Variants in SPOCK1 observed in about 807,000 individuals in gnomAD.
The protein encoded by SPOCK1 is testican-1.
SPOCK1 carries 23 observed loss-of-function variants against 55.3 expected under a neutral mutation model. That is an observed-to-expected ratio of 0.42 (90% CI 0.30 to 0.59). SPOCK1 has a LOEUF of 0.59. SPOCK1 is among the 20% of genes least tolerant of loss of function. The pLI, the probability that SPOCK1 is intolerant of heterozygous loss-of-function variation, is 0.22. For synonymous variants in SPOCK1, 226 were observed against 221.0 expected, an observed-to-expected ratio of 1.02 and a Z score of -0.20; for missense variants, 499 against 552.5, an observed-to-expected ratio of 0.90 and a Z score of 0.97.
intron 2 of SPOCK1, among the ~76,000 whole-genome samples, chr5:137,369,178 T>C (rs1044025323): frequency 6.6e-6 from 1 of 152,202 alleles, no homozygotes; most frequent in Non-Finnish European, 1.5e-5. Flanking sequence ...TGCTCCTTGA[T>C]GGGTGGGTGG....
intron 3 of SPOCK1, among the ~76,000 whole-genome samples, chr5:137,236,706 A>G (rs1011431165): frequency 6.6e-6 from 1 of 152,152 alleles, no homozygotes; most frequent in Non-Finnish European, 1.5e-5. Flanking sequence ...ATCAGCTCAT[A>G]CAAGTACACA....
chr5:137,338,508 A>G (rs1052987043), intron 2 of SPOCK1, among the ~76,000 whole-genome samples: 2 of 152,060 alleles, frequency 1.3e-5, no homozygotes, highest in Non-Finnish European at 2.9e-5. Context: ...TAGCAGCATG[A>G]TTTATAATCC....
At chr5:137,244,700 A>G (rs7713649) in intron 3 of SPOCK1, among the ~76,000 whole-genome samples, 10,276 of 152,270 alleles carry the variant, frequency 0.067, 1,058 homozygotes, top group African/African-American at 0.23. Context: ...CACACCCAGA[A>G]AAAAAGGAAC....
chr5:137,337,387 C>T (rs903326484), intron 2 of SPOCK1, among the ~76,000 whole-genome samples: 5 of 152,184 alleles, frequency 3.3e-5, no homozygotes, highest in Non-Finnish European at 5.9e-5. Context: ...ACTGGAGTTC[C>T]TTAAACACAT....
chr5:137,168,138 A>G (rs1754684778), intron 3 of SPOCK1, among the ~76,000 whole-genome samples: 1 of 152,106 alleles, frequency 6.6e-6, no homozygotes, highest in Non-Finnish European at 1.5e-5. Context: ...TCTTCAATAC[A>G]TGGCACTGAG....
intron 3 of SPOCK1, among the ~76,000 whole-genome samples, chr5:137,145,988 G>C (rs1754183847): frequency 6.6e-6 from 1 of 152,206 alleles, no homozygotes. Flanking sequence ...GGAGCCACAG[G>C]GACCATGCTG....
intron 2 of SPOCK1, among the ~76,000 whole-genome samples, chr5:137,291,842 C>T (rs1016887831): frequency 6.6e-6 from 1 of 152,226 alleles, no homozygotes; most frequent in Non-Finnish European, 1.5e-5. Context: ...GCTCACACTC[C>T]TTGCCACAGC....
At chr5:137,088,208 G>T (rs72792591) in intron 5 of SPOCK1, among the ~76,000 whole-genome samples, 2,420 of 152,294 alleles carry the variant, frequency 0.016, 28 homozygotes, top group Non-Finnish European at 0.023. Flanking sequence ...TCCAGGGAGA[G>T]GTTACAGCTT....
chr5:137,360,159 C>G (rs1163103489), intron 2 of SPOCK1, among the ~76,000 whole-genome samples: 1 of 152,230 alleles, frequency 6.6e-6, no homozygotes, highest in African/African-American at 2.4e-5. Flanking sequence ...GTTTGCCACA[C>G]CAGCCATCTC....
intron 3 of SPOCK1, among the ~76,000 whole-genome samples, chr5:137,246,820 T>C (rs886758781): frequency 4.0e-5 from 6 of 149,166 alleles, no homozygotes; most frequent in African/African-American, 1.4e-4. Context: ...CAAAACAAGC[T>C]GAAAATCACA....
chr5:136,992,203 T>C (rs1750961362), intron 7 of SPOCK1, among the ~76,000 whole-genome samples: 1 of 152,178 alleles, frequency 6.6e-6, no homozygotes, highest in South Asian at 2.1e-4. Flanking sequence ...ATCCAAACTT[T>C]GTAATTATAC....
chr5:136,984,939 G>A (rs112114619), intron 9 of SPOCK1, among the ~76,000 whole-genome samples: 220 of 152,290 alleles, frequency 1.4e-3, no homozygotes, highest in African/African-American at 5.0e-3. Flanking sequence ...TCTTCCTGCC[G>A]AAGGAACACA....
chr5:137,051,160 C>G (rs1425921746), intron 6 of SPOCK1, among the ~76,000 whole-genome samples: 3 of 152,158 alleles, frequency 2.0e-5, no homozygotes, highest in Non-Finnish European at 4.4e-5. Context: ...ATTTTTTGAA[C>G]TGGCTATTTA....
At chr5:137,074,345 A>T (rs1752684034) in intron 5 of SPOCK1, among the ~76,000 whole-genome samples, 1 of 152,212 alleles carries the variant, frequency 6.6e-6, no homozygotes, top group Admixed American at 6.5e-5. Flanking sequence ...TCTTACAGGC[A>T]TAATACCTAC....
At chr5:137,442,380 T>C (rs1043706422) in intron 2 of SPOCK1, among the ~76,000 whole-genome samples, 1 of 152,178 alleles carries the variant, frequency 6.6e-6, no homozygotes, top group Non-Finnish European at 1.5e-5. Context: ...GAGAATTGGG[T>C]TCAAATCTCC....
rs180794622 is a variant in SPOCK1, at chr5:137,069,753, G to A, written c.475-1924C>T. 5.3e-5 allele frequency among the ~76,000 whole-genome samples: 8 copies of A among 152,340 alleles called. No individual in the cohort carries two copies. In the East Asian group the frequency reaches 1.4e-3, roughly 26 times the overall value. On this transcript the variant is annotated intron_variant, in intron 5 of 10. Transcript: ENST00000394945. Reference sequence around the variant, plus strand: ...GGCTAGTTCTCTGGAACAATCCTCTGTTTCAGACTAGTGGTTCTCTGGCTT... The same window carrying A: ...GGCTAGTTCTCTGGAACAATCCTCTATTTCAGACTAGTGGTTCTCTGGCTT...
chr5:137,456,093 G>T (rs1753361123), intron 2 of SPOCK1, among the ~76,000 whole-genome samples: 1 of 151,936 alleles, frequency 6.6e-6, no homozygotes, highest in Non-Finnish European at 1.5e-5. Context: ...GGAGGAGGAG[G>T]AAAAGAATTC....
intron 2 of SPOCK1, among the ~76,000 whole-genome samples, chr5:137,291,200 C>T (rs1160589574): frequency 2.0e-5 from 3 of 152,106 alleles, no homozygotes; most frequent in Non-Finnish European, 4.4e-5. Context: ...GCATGCCAGC[C>T]CAGAAAAGAG....
At chr5:137,216,688 G>GT (rs951538199) in intron 3 of SPOCK1, among the ~76,000 whole-genome samples, 2 of 151,774 alleles carry the variant, frequency 1.3e-5, no homozygotes, top group African/African-American at 2.4e-5. Context: ...TGCAGCCTGG[G>GT]TGATAGAGGA....
Sources: allele counts gnomAD v4.1 joint callset (sites outside exome capture counted in the v4.1 genomes callset), GRCh38; gene constraint gnomAD v4.1.1; transcripts MANE v1.5; gene names NCBI Gene and HGNC (gene_info 2026-07-23, HGNC 2026-07-21).